The following DEPDC5 variants were observed in gnomAD, a reference collection of about 807,000 sequenced individuals.
The protein encoded by DEPDC5 is DEP domain containing 5, GATOR1 subcomplex subunit, also known as GATOR1 complex protein DEPDC5.
Under a neutral mutation model 217.3 loss-of-function variants are expected in DEPDC5, and 73 were observed. The observed-to-expected ratio is 0.34, with a 90% CI of 0.28 to 0.41. The LOEUF is 0.41. Ranked by LOEUF, DEPDC5 falls within the 10% of genes least tolerant of loss-of-function variation. DEPDC5 has a pLI of 1.00. For missense variants in DEPDC5, 1,675 were observed against 2,070.1 expected, an observed-to-expected ratio of 0.81 and a Z score of 3.70; for synonymous variants, 733 against 756.7, an observed-to-expected ratio of 0.97 and a Z score of 0.51.
At chr22:31,808,306 G>C (rs1386027535) in intron 18 of DEPDC5, among the ~76,000 whole-genome samples, 1 of 150,880 alleles carries the variant, frequency 6.6e-6, no homozygotes, top group East Asian at 1.9e-4. Context: ...TGTGGCCCAG[G>C]CTGGAGTGCA....
chr22:31,885,897 G>A (rs2093298228), intron 38 of DEPDC5, among the ~76,000 whole-genome samples: 1 of 151,956 alleles, frequency 6.6e-6, no homozygotes, highest in Admixed American at 6.6e-5. Flanking sequence ...AGCTGGGTGT[G>A]GTGGCGGGCA....
chr22:31,905,962 A>T (rs780600120), intron 41 of DEPDC5, 22 bp from the exon 42 acceptor site: 3 of 1,608,604 alleles, frequency 1.9e-6, no homozygotes, highest in Non-Finnish European at 2.6e-6. Flanking sequence ...GCTGATTAGC[A>T]TGTCTTCCTG....
chr22:31,832,378 T>G (rs2090669190), intron 24 of DEPDC5, among the ~76,000 whole-genome samples: 1 of 152,256 alleles, frequency 6.6e-6, no homozygotes, highest in Non-Finnish European at 1.5e-5. Context: ...ATCAACAATG[T>G]GTAAGGCTTC....
rs943474824 is a variant in DEPDC5, at chr22:31,814,825, A to G, written c.1446-167A>G. 4.7e-6 allele frequency: 3 copies of G among 638,288 alleles called. No individual in the cohort carries two copies. In the Admixed American group the frequency reaches 8.4e-5, roughly 18 times the overall value. 39.5% of individuals were successfully genotyped at this position (638,288 alleles called of 1,614,324 possible). On this transcript the variant is annotated intron_variant, in intron 20 of 42. Transcript: ENST00000651528. ...CCCCCCTCTCTTATATAACATCTCA[A>G]GCTGTTAAGGGTGAAGTACCGCATA...
intron 3 of DEPDC5, among the ~76,000 whole-genome samples, chr22:31,760,169 G>A (rs528083836): frequency 6.6e-5 from 10 of 151,786 alleles, no homozygotes; most frequent in African/African-American, 1.7e-4. Flanking sequence ...CCGGGTTCAC[G>A]CCATTCTCCT....
intron 3 of DEPDC5, among the ~76,000 whole-genome samples, chr22:31,759,907 T>G (rs969676830): frequency 1.1e-4 from 16 of 151,866 alleles, no homozygotes; most frequent in African/African-American, 3.9e-4. Flanking sequence ...GGTCTCGAAC[T>G]CCTGACCTCA....
chr22:31,901,800 C>T lies in DEPDC5; in HGVS notation c.4434C>T (p.His1478=). The T allele has an allele frequency of 6.2e-7, 1 of 1,613,282 alleles. No individual in the cohort carries two copies. ...ACCTCTTCCAGGAAGCCATTGCACACAGGTTTGTCCCTTAGCAAGTGTGAA... is the reference window on the plus strand; with the variant it reads ...ACCTCTTCCAGGAAGCCATTGCACATAGGTTTGTCCCTTAGCAAGTGTGAA... ...RMHLFQEAIA[H]RFGFVQDKYS... is the part of the protein sequence containing the mutation. The change falls in exon 41 of 43, where the codon CAC becomes CAT. Residue 1478 remains histidine, a splice_region_variant and synonymous_variant. Transcript: ENST00000651528.
At chr22:31,814,596 G>T (rs1045783682) in intron 20 of DEPDC5, 3 of 198,964 alleles carry the variant, frequency 1.5e-5, no homozygotes, top group African/African-American at 7.0e-5. Flanking sequence ...ATCTCTGGAA[G>T]CTTGATTAGA....
chr22:31,792,201 C>A, intron 11 of DEPDC5, 99 bp downstream of exon 11: 1 of 844,424 alleles, frequency 1.2e-6, no homozygotes, highest in Non-Finnish European at 1.9e-6. Context: ...TGCACTTTTC[C>A]ACCCTTCCCA....
chr22:31,819,311 G>A, intron 22 of DEPDC5, 86 bp downstream of exon 22: 1 of 1,442,840 alleles, frequency 6.9e-7, no homozygotes, highest in Non-Finnish European at 9.6e-7. Flanking sequence ...TCCTTGGTCA[G>A]GTGCCTCTGT....
At chr22:31,812,926 G>C (rs1266377456) in intron 20 of DEPDC5, among the ~76,000 whole-genome samples, 1 of 151,942 alleles carries the variant, frequency 6.6e-6, no homozygotes. Context: ...TTTTAGTAGA[G>C]ACGGGGTTTC....
intron 31 of DEPDC5, 113 bp downstream of exon 31, chr22:31,847,080 G>A: frequency 6.8e-7 from 1 of 1,461,940 alleles, no homozygotes; most frequent in Non-Finnish European, 9.3e-7. Flanking sequence ...CTTGTAATTA[G>A]GGAGAAGGCA....
At chr22:31,814,804 CCT>C (rs1440999163) in intron 20 of DEPDC5, 186 bp from the exon 21 acceptor site, 18 of 609,372 alleles carry the variant, frequency 3.0e-5, no homozygotes, top group Non-Finnish European at 4.9e-5. Context: ...TCATTTCCCC[CCT>C]CTCTTATATA....
chr22:31,768,802 C>T lies in DEPDC5; in HGVS notation c.364-12C>T, dbSNP rs1218574789. On this transcript the variant is annotated splice_polypyrimidine_tract_variant and intron_variant, in intron 6 of 42. Transcript: ENST00000651528. ...CCTCCCTCTCTCTACCCCTCTCTCCCCCTCCTCTTAGGTCAGCACATGTGC... is the reference window on the plus strand; with the variant it reads ...CCTCCCTCTCTCTACCCCTCTCTCCTCCTCCTCTTAGGTCAGCACATGTGC... 1.2e-6 allele frequency: 2 copies of T among 1,612,300 alleles called. No individual in the cohort carries two copies. Among genetic ancestry groups the T allele is most frequent in the Middle Eastern group, 1.7e-4 (1 of 6,054 alleles).
chr22:31,839,356 G>C (rs1037481776), intron 27 of DEPDC5, among the ~76,000 whole-genome samples: 2 of 152,140 alleles, frequency 1.3e-5, no homozygotes, highest in African/African-American at 2.4e-5. Flanking sequence ...ACAGAGAATC[G>C]GTGTTGCTAA....
chr22:31,876,771 A>G (rs954281671), intron 37 of DEPDC5, among the ~76,000 whole-genome samples: 6 of 152,008 alleles, frequency 3.9e-5, no homozygotes, highest in African/African-American at 9.7e-5. Flanking sequence ...TGGTTTTTTT[A>G]AATAATGAGG....
At position 31,879,432 on chromosome 22, in the gene DEPDC5, C is replaced by T. The variant is rs534019916; in HGVS notation, c.3806-93C>T. The T allele has an allele frequency of 2.4e-5, 28 of 1,190,570 alleles. No individual in the cohort carries two copies. The African/African-American group carries it at 3.0e-4, about 13-fold the overall frequency. 73.8% of individuals were successfully genotyped at this position (1,190,570 alleles called of 1,614,324 possible). A position where few individuals can be genotyped will look rare whatever the true frequency, so the allele number is the denominator to read the frequency against. On this transcript the variant is annotated intron_variant, in intron 37 of 42. Coordinates refer to ENST00000651528, the MANE Select transcript of DEPDC5 (RefSeq NM_001242896.3). The stretch of plus-strand genomic sequence containing the variant: ...TTGTGTGTCGGCTTCTTTTACTTAG[C>T]GTGTTTTTAAGGTTTATCAAGTTGT...
intron 29 of DEPDC5, among the ~76,000 whole-genome samples, chr22:31,844,333 A>G (rs1430017396): frequency 1.4e-4 from 21 of 152,142 alleles, no homozygotes; most frequent in Admixed American, 1.2e-3. Flanking sequence ...GGTCGTGGCT[A>G]CAGTGAGCCT....
chr22:31,763,183 G>T (rs1466840696), intron 4 of DEPDC5, among the ~76,000 whole-genome samples: 3 of 151,986 alleles, frequency 2.0e-5, no homozygotes, highest in Non-Finnish European at 4.4e-5. Flanking sequence ...TGGAGACAGG[G>T]TTTCACTATG....
Sources: gnomAD v4.1 joint callset for allele counts (sites outside exome capture counted in the v4.1 genomes callset) on GRCh38, gnomAD v4.1.1 for gene constraint, MANE v1.5 for transcripts, NCBI Gene and HGNC (gene_info 2026-07-23, HGNC 2026-07-21) for gene names.